Variants in PAK6 observed in about 807,000 individuals in gnomAD.
PAK6 encodes serine/threonine-protein kinase PAK 6.
In PAK6, 33 loss-of-function variants were observed where a neutral mutation model predicts 60.8. That is an observed-to-expected ratio of 0.54 (90% CI 0.41 to 0.73). The LOEUF is 0.73. Ranked by LOEUF, PAK6 falls within the 30% of genes least tolerant of loss-of-function variation. The pLI is 0.00. For synonymous variants in PAK6, 404 were observed against 378.5 expected, an observed-to-expected ratio of 1.07 and a Z score of -0.78; for missense variants, 845 against 904.1, an observed-to-expected ratio of 0.93 and a Z score of 0.84.
chr15:40,254,277 G>A (rs985902788), intron 3 of PAK6, among the ~76,000 whole-genome samples: 5 of 152,202 alleles, frequency 3.3e-5, no homozygotes, highest in Non-Finnish European at 7.3e-5. Flanking sequence ...GCTATGTTGG[G>A]AAGGGCTAAG....
intron 3 of PAK6, among the ~76,000 whole-genome samples, chr15:40,254,199 T>C (rs1209850938): frequency 6.6e-6 from 1 of 152,172 alleles, no homozygotes; most frequent in Non-Finnish European, 1.5e-5. Flanking sequence ...ATCTGTAAAA[T>C]GGGAATGCGA....
At chr15:40,246,429 CTGA>C (rs1595565454) in intron 2 of PAK6, 1 of 152,166 alleles carries the variant, frequency 6.6e-6, no homozygotes, top group Admixed American at 6.5e-5. Flanking sequence ...GTGGATCTTG[CTGA>C]TGATGTGTCT....
chr15:40,267,303 T>G (rs1214399489), intron 5 of PAK6, among the ~76,000 whole-genome samples: 1 of 151,918 alleles, frequency 6.6e-6, no homozygotes, highest in African/African-American at 2.4e-5. Context: ...GGGTGTGGGT[T>G]TGGGGATGAC....
intron 2 of PAK6, chr15:40,245,221 C>G (rs1566841957): frequency 6.6e-6 from 1 of 152,332 alleles, no homozygotes; most frequent in Non-Finnish European, 1.5e-5. Flanking sequence ...GTTCAGAAAG[C>G]TCAGTTCAGC....
At chr15:40,261,541 A>AAT (rs138751731) in intron 3 of PAK6, among the ~76,000 whole-genome samples, 128 of 150,362 alleles carry the variant, frequency 8.5e-4, no homozygotes, top group African/African-American at 2.6e-3. Context: ...CATCTCAAAA[A>AAT]ATATATATAT....
chr15:40,275,849 C>A, intron 10 of PAK6, 78 bp from the exon 11 acceptor site: 1 of 1,366,936 alleles, frequency 7.3e-7, no homozygotes, highest in Non-Finnish European at 1.0e-6. Flanking sequence ...GACTTTCAAA[C>A]AATGATAAGT....
chr15:40,249,518 C>T (rs1026302863), intron 2 of PAK6, among the ~76,000 whole-genome samples: 1 of 152,230 alleles, frequency 6.6e-6, no homozygotes, highest in Non-Finnish European at 1.5e-5. Context: ...AGCATGCCAT[C>T]ATTGGCAGCC....
In PAK6 at chr15:40,275,280, G is replaced by GTTTTTTTTTTTTTTTTTTTT. The variant is rs869058525; in HGVS notation, c.1879-644_1879-625dup. 6.5e-3 allele frequency among the ~76,000 whole-genome samples: 367 copies of GTTTTTTTTTTTTTTTTTTTT among 56,462 alleles called. 87 individuals carry two copies. Among genetic ancestry groups the GTTTTTTTTTTTTTTTTTTTT allele is most frequent in the Non-Finnish European group, 8.1e-3 (263 of 32,464 alleles). 37.0% of individuals were successfully genotyped at this position (56,462 alleles called of 152,430 possible). On this transcript the variant is annotated intron_variant, in intron 10 of 10. Coordinates refer to ENST00000560346, the Ensembl canonical transcript of PAK6. ...GACTTGTTTGTTTCTGTTGTTGTTG[G>GTTTTTTTTTTTTTTTTTTTT]TTTTTTTTTTTTTTTTTTTTTTGGA...
chr15:40,271,244 G>C (rs2039293608), intron 5 of PAK6, among the ~76,000 whole-genome samples: 1 of 152,224 alleles, frequency 6.6e-6, no homozygotes, highest in Admixed American at 6.5e-5. Context: ...CACCTTTCCT[G>C]TCAGAAAGAG....
intron 5 of PAK6, among the ~76,000 whole-genome samples, chr15:40,267,286 C>G (rs2039169401): frequency 6.6e-6 from 1 of 152,124 alleles, no homozygotes; most frequent in Non-Finnish European, 1.5e-5. Flanking sequence ...GTGGCCCAGC[C>G]TGCACAGGGT....
chr15:40,265,154 A>T (rs2140979173), intron 4 of PAK6, among the ~76,000 whole-genome samples, 165 bp downstream of exon 4: 1 of 152,320 alleles, frequency 6.6e-6, no homozygotes. Context: ...CTCCCTGGGT[A>T]AGCCAGGGCG....
At chr15:40,274,946 C>CA (rs956738594) in intron 10 of PAK6, among the ~76,000 whole-genome samples, 1 of 152,150 alleles carries the variant, frequency 6.6e-6, no homozygotes, top group South Asian at 2.1e-4. Flanking sequence ...TCTAAAATAG[C>CA]AAAAAAACAA....
chr15:40,252,121 TG>T, intron 2 of PAK6: 1 of 422,656 alleles, frequency 2.4e-6, no homozygotes, highest in Non-Finnish European at 4.0e-6. Flanking sequence ...CCTGTCCACA[TG>T]GGACAGATCA....
intron 3 of PAK6, among the ~76,000 whole-genome samples, chr15:40,256,609 T>C (rs559076555): frequency 1.3e-5 from 2 of 152,240 alleles, no homozygotes; most frequent in African/African-American, 4.8e-5. Context: ...TGGATGGGCC[T>C]GAGAATAACA....
In PAK6 at chr15:40,274,251, C is replaced by T. The variant is rs762276597; in HGVS notation, c.1853C>T (p.Pro618Leu). Residue 618 changes from proline (P) to leucine (L), a missense_variant, in exon 10 of 11, where the codon CCA (proline) becomes CTA (leucine). By Grantham distance (98) the Pro-to-Leu change is moderately conservative (BLOSUM62 -3). Transcript: ENST00000560346. ...ATGAAGAGGCTCCGGGACAGCCCCCCACCCAAGCTGAAAAACTCTCACAAG... is the reference window on the plus strand; with the variant it reads ...ATGAAGAGGCTCCGGGACAGCCCCCTACCCAAGCTGAAAAACTCTCACAAG... 24 of 1,610,076 alleles carry T rather than the reference C, an allele frequency of 1.5e-5. No homozygotes were observed. In the Middle Eastern group the frequency reaches 2.2e-3, roughly 145 times the overall value.
At chr15:40,257,889 G>A (rs752699084) in intron 3 of PAK6, among the ~76,000 whole-genome samples, 2 of 152,164 alleles carry the variant, frequency 1.3e-5, no homozygotes, top group Admixed American at 6.5e-5. Context: ...TTGTCTCTGT[G>A]GAACAGTAGC....
At chr15:40,240,704 G>A (rs1030432324) in intron 2 of PAK6, 23 bp downstream of exon 2, 5 of 438,996 alleles carry the variant, frequency 1.1e-5, no homozygotes, top group Non-Finnish European at 1.8e-5. Flanking sequence ...CTGCCGCTGC[G>A]TGCTCCGGAT....
chr15:40,252,880 G>A, intron 2 of PAK6: 1 of 1,238,888 alleles, frequency 8.1e-7, no homozygotes, highest in South Asian at 1.4e-5. Flanking sequence ...CCCGCCCGGC[G>A]CGGGGCATTC....
chr15:40,267,607 T>C (rs1049808604), intron 5 of PAK6, among the ~76,000 whole-genome samples: 5 of 151,970 alleles, frequency 3.3e-5, no homozygotes, highest in South Asian at 2.1e-4. Context: ...TGCCGTGAGC[T>C]GAGATCGCAC....
Sources: gnomAD v4.1 joint callset for allele counts (sites outside exome capture counted in the v4.1 genomes callset) on GRCh38, gnomAD v4.1.1 for gene constraint, MANE v1.5 for transcripts, NCBI Gene and HGNC (gene_info 2026-07-23, HGNC 2026-07-21) for gene names.